The following SKIC2 variants were observed in gnomAD, a reference collection of about 807,000 sequenced individuals.
The protein encoded by SKIC2 is SKI2 subunit of superkiller complex.
the SKIC2 span, chr6:31,960,216 C>G: frequency 6.2e-7 from 1 of 1,612,182 alleles, no homozygotes; most frequent in Non-Finnish European, 8.5e-7. Flanking sequence ...ATTTTTCTCT[C>G]CAGAAAATGG....
At chr6:31,964,300 CAAG>C in the SKIC2 span, 6 of 1,612,930 alleles carry the variant, frequency 3.7e-6, no homozygotes, top group Admixed American at 6.7e-5. The surrounding 1 kb of genome is among the most constrained non-coding windows in gnomAD (Gnocchi z 5.0). Context: ...TGCCCATCCT[CAAG>C]GAGATCGTGG....
the SKIC2 span, chr6:31,959,416 C>T: frequency 6.3e-6 from 10 of 1,577,696 alleles, no homozygotes; most frequent in African/African-American, 1.3e-5. Flanking sequence ...TGACTTTTGA[C>T]CCTAACCTTT....
chr6:31,968,434 C>T, the SKIC2 span: 2 of 1,612,846 alleles, frequency 1.2e-6, no homozygotes, highest in Non-Finnish European at 1.7e-6. This position sits in a 1 kb window ranked among gnomAD's most constrained non-coding sequence, Gnocchi z 6.1. Context: ...CAATGACCTG[C>T]AGCTCAAAGA....
the SKIC2 span, chr6:31,962,588 G>A: frequency 6.2e-7 from 1 of 1,612,460 alleles, no homozygotes; most frequent in Non-Finnish European, 8.5e-7. This position sits in a 1 kb window ranked among gnomAD's most constrained non-coding sequence, Gnocchi z 5.0. Context: ...ATCCTTCGGT[G>A]AGAGATGGAC....
the SKIC2 span, chr6:31,960,607 C>T: frequency 6.3e-7 from 1 of 1,581,366 alleles, no homozygotes; most frequent in East Asian, 2.2e-5. Flanking sequence ...GGAAGGGTTC[C>T]CCACCTATCT....
At chr6:31,962,644 A>G in the SKIC2 span, 8 of 1,607,914 alleles carry the variant, frequency 5.0e-6, no homozygotes, top group Non-Finnish European at 6.8e-6. The surrounding 1 kb of genome is among the most constrained non-coding windows in gnomAD (Gnocchi z 5.0). Context: ...GCCGTTGTGG[A>G]GAGTGTGCTG....
At chr6:31,962,892 C>T in the SKIC2 span, 2 of 1,320,652 alleles carry the variant, frequency 1.5e-6, no homozygotes. This position sits in a 1 kb window ranked among gnomAD's most constrained non-coding sequence, Gnocchi z 5.0. Context: ...CCCCTTACTG[C>T]TTTCTTTACC....
the SKIC2 span, chr6:31,961,797 C>T: frequency 8.3e-5 from 128 of 1,548,290 alleles, no homozygotes; most frequent in South Asian, 4.4e-4. Flanking sequence ...GGTACTCAGT[C>T]CCAGCCTCGG....
At chr6:31,959,949 CTT>C in the SKIC2 span, 2 of 1,220,756 alleles carry the variant, frequency 1.6e-6, no homozygotes, top group Non-Finnish European at 2.4e-6. Context: ...CCCATCATCT[CTT>C]TTGTCTGCAT....
the SKIC2 span, chr6:31,960,128 T>C: frequency 6.2e-7 from 1 of 1,611,012 alleles, no homozygotes; most frequent in Non-Finnish European, 8.5e-7. Context: ...CGGTGAGGAG[T>C]CTGGAGGGGC....
the SKIC2 span, chr6:31,964,328 C>T: frequency 2.5e-5 from 41 of 1,612,498 alleles, no homozygotes; most frequent in South Asian, 2.3e-4. The surrounding 1 kb of genome is among the most constrained non-coding windows in gnomAD (Gnocchi z 5.0). Context: ...GCTCTTCAGC[C>T]GTGGCCTGGT....
chr6:31,968,055 T>C, the SKIC2 span: 471 of 1,612,864 alleles, frequency 2.9e-4, no homozygotes, highest in Non-Finnish European at 3.6e-4. The surrounding 1 kb of genome is among the most constrained non-coding windows in gnomAD (Gnocchi z 6.1). Context: ...TTGGAGGACT[T>C]CAGCAAGAGG....
the SKIC2 span, chr6:31,966,753 T>A: frequency 6.2e-6 from 10 of 1,614,114 alleles, no homozygotes; most frequent in Non-Finnish European, 8.5e-6. The surrounding 1 kb of genome is among the most constrained non-coding windows in gnomAD (Gnocchi z 5.9). Flanking sequence ...TCACGTACAC[T>A]ATGATCCTCA....
chr6:31,960,654 G>C, the SKIC2 span: 6 of 1,591,524 alleles, frequency 3.8e-6, no homozygotes, highest in South Asian at 6.8e-5. Flanking sequence ...TGTCTGTCCT[G>C]TCTCTTCCCA....
the SKIC2 span, chr6:31,968,787 G>A: frequency 6.2e-7 from 1 of 1,612,348 alleles, no homozygotes; most frequent in African/African-American, 1.3e-5. This position sits in a 1 kb window ranked among gnomAD's most constrained non-coding sequence, Gnocchi z 6.1. Flanking sequence ...AGTACCATCA[G>A]CGAGTAGAGG....
the SKIC2 span, chr6:31,963,810 G>C: frequency 6.7e-7 from 1 of 1,500,254 alleles, no homozygotes. This position sits in a 1 kb window ranked among gnomAD's most constrained non-coding sequence, Gnocchi z 5.3. Flanking sequence ...TCCCCCAGGG[G>C]TTTTGACTTG....
At chr6:31,966,827 C>T in the SKIC2 span, 4 of 1,614,166 alleles carry the variant, frequency 2.5e-6, no homozygotes, top group Admixed American at 5.0e-5. This position sits in a 1 kb window ranked among gnomAD's most constrained non-coding sequence, Gnocchi z 5.9. Flanking sequence ...TCTGAGTTTC[C>T]CTCCCGCAAA....
the SKIC2 span, chr6:31,960,985 G>A: frequency 1.6e-6 from 2 of 1,267,284 alleles, no homozygotes; most frequent in Non-Finnish European, 2.3e-6. Context: ...TTTATATAAT[G>A]TACACAATTT....
At chr6:31,964,814 C>T in the SKIC2 span, among the ~76,000 whole-genome samples, 9 of 152,262 alleles carry the variant, frequency 5.9e-5, no homozygotes, top group East Asian at 1.5e-3. This position sits in a 1 kb window ranked among gnomAD's most constrained non-coding sequence, Gnocchi z 5.0. Context: ...CACGCTGGCA[C>T]TATTTAGACA....
Sources: allele counts gnomAD v4.1 joint callset (sites outside exome capture counted in the v4.1 genomes callset), GRCh38; gene constraint gnomAD v4.1.1; non-coding constraint Gnocchi (gnomAD v3.1); transcripts MANE v1.5; gene names NCBI Gene and HGNC (gene_info 2026-07-23, HGNC 2026-07-21).